HCRTR2: variants seen among roughly 807,000 people sequenced by gnomAD.
The protein encoded by HCRTR2 is orexin receptor type 2.
HCRTR2 carries 22 observed loss-of-function variants against 49.0 expected under a neutral mutation model. That is an observed-to-expected ratio of 0.45 (90% CI 0.32 to 0.64). The LOEUF (loss-of-function observed/expected upper bound fraction) is 0.64. HCRTR2 is among the 30% of genes least tolerant of loss of function. The pLI, the probability that HCRTR2 is intolerant of heterozygous loss-of-function variation, is 0.04. For missense variants in HCRTR2, 491 were observed against 559.4 expected (o/e 0.88, Z 1.23); for synonymous variants, 236 against 205.3 (o/e 1.15, Z -1.28).
intron 1 of HCRTR2, among the ~76,000 whole-genome samples, chr6:55,243,726 A>G (rs1370250461): frequency 1.3e-5 from 2 of 152,128 alleles, no homozygotes; most frequent in African/African-American, 4.8e-5. Context: ...AAGTAAGGGA[A>G]AGAGAAAAAG....
intron 1 of HCRTR2, among the ~76,000 whole-genome samples, chr6:55,239,473 A>T (rs1396551843): frequency 6.6e-6 from 1 of 152,162 alleles, no homozygotes; most frequent in Non-Finnish European, 1.5e-5. Context: ...GTGGTATAGC[A>T]TTCCTCTATG....
chr6:55,266,571 A>G (rs994006997), intron 4 of HCRTR2, among the ~76,000 whole-genome samples: 1 of 152,170 alleles, frequency 6.6e-6, no homozygotes, highest in Non-Finnish European at 1.5e-5. Context: ...GGGAATGTTC[A>G]GTGTTAAGAT....
intron 1 of HCRTR2, among the ~76,000 whole-genome samples, chr6:55,202,135 T>G (rs1765522930): frequency 6.6e-6 from 1 of 152,218 alleles, no homozygotes; most frequent in Admixed American, 6.5e-5. Flanking sequence ...CTTTTCAGAT[T>G]AAATAATGTG....
At chr6:55,270,875 A>C (rs951235815) in intron 4 of HCRTR2, among the ~76,000 whole-genome samples, 2 of 152,200 alleles carry the variant, frequency 1.3e-5, no homozygotes, top group African/African-American at 4.8e-5. Flanking sequence ...ACAATTACAA[A>C]ATATCATTGA....
intron 1 of HCRTR2, among the ~76,000 whole-genome samples, chr6:55,135,928 C>A (rs914323935): frequency 6.6e-6 from 1 of 152,260 alleles, no homozygotes; most frequent in Admixed American, 6.5e-5. Context: ...CCCAGCATTT[C>A]TTATGTTGAG....
chr6:55,150,956 A>G (rs1490039443), intron 1 of HCRTR2, among the ~76,000 whole-genome samples: 4 of 152,082 alleles, frequency 2.6e-5, no homozygotes, highest in Non-Finnish European at 5.9e-5. Context: ...GTGCATATGG[A>G]AGTTATGTTT....
intron 1 of HCRTR2, among the ~76,000 whole-genome samples, chr6:55,224,898 T>A (rs1275895714): frequency 1.3e-5 from 2 of 152,082 alleles, no homozygotes; most frequent in African/African-American, 4.8e-5. Flanking sequence ...GAATAAAAAA[T>A]TTCAGTTAAA....
At chr6:55,107,674 A>G (rs1763994239) in intron 1 of HCRTR2, among the ~76,000 whole-genome samples, 1 of 152,164 alleles carries the variant, frequency 6.6e-6, no homozygotes, top group African/African-American at 2.4e-5. Context: ...GACTTGCTTC[A>G]GTTTCCTTTC....
chr6:55,109,096 C>T (rs1280623528), intron 1 of HCRTR2, among the ~76,000 whole-genome samples: 2 of 152,118 alleles, frequency 1.3e-5, no homozygotes, highest in African/African-American at 4.8e-5. Context: ...CTTCCCAGTA[C>T]CAGCCCAGAG....
intron 1 of HCRTR2, among the ~76,000 whole-genome samples, chr6:55,111,475 C>T (rs1006579390): frequency 2.0e-5 from 3 of 151,964 alleles, no homozygotes; most frequent in African/African-American, 7.2e-5. Flanking sequence ...GATATTAAAA[C>T]TGATACCACA....
chr6:55,197,031 C>G (rs1214704898), intron 1 of HCRTR2, among the ~76,000 whole-genome samples: 1 of 152,138 alleles, frequency 6.6e-6, no homozygotes, highest in South Asian at 2.1e-4. Context: ...AACCCTACCT[C>G]TGTACTTCAA....
chr6:55,165,494 T>C (rs555113346), intron 1 of HCRTR2, among the ~76,000 whole-genome samples: 8 of 152,044 alleles, frequency 5.3e-5, no homozygotes, highest in African/African-American at 1.9e-4. Context: ...AAGACCTAAG[T>C]ATAAGAGCTA....
intron 1 of HCRTR2, among the ~76,000 whole-genome samples, chr6:55,154,686 A>G (rs1764706931): frequency 7.1e-6 from 1 of 141,146 alleles, no homozygotes; most frequent in Non-Finnish European, 1.6e-5. Flanking sequence ...AAAAATAAAT[A>G]AATAAATAAA....
intron 1 of HCRTR2, among the ~76,000 whole-genome samples, chr6:55,186,274 T>C (rs1356085878): frequency 6.6e-6 from 1 of 152,210 alleles, no homozygotes; most frequent in Non-Finnish European, 1.5e-5. Context: ...ATAAGTACAT[T>C]TTTTAAATTA....
intron 1 of HCRTR2, among the ~76,000 whole-genome samples, chr6:55,216,857 T>C (rs1765796097): frequency 2.0e-5 from 3 of 152,216 alleles, no homozygotes; most frequent in East Asian, 1.9e-4. Flanking sequence ...CTCTCAGCCA[T>C]GGCTCTGTCC....
At chr6:55,271,542 T>A (rs185760025) in intron 4 of HCRTR2, among the ~76,000 whole-genome samples, 2 of 152,212 alleles carry the variant, frequency 1.3e-5, no homozygotes, top group Non-Finnish European at 2.9e-5. Flanking sequence ...TTAGACATTA[T>A]CAAAACAAAA....
chr6:55,167,020 T>G (rs1222171023), intron 1 of HCRTR2, among the ~76,000 whole-genome samples: 1 of 152,108 alleles, frequency 6.6e-6, no homozygotes. Flanking sequence ...TTTGCCAGCA[T>G]GTGGGAGGAG....
intron 1 of HCRTR2, among the ~76,000 whole-genome samples, chr6:55,125,303 G>A (rs1764258015): frequency 6.6e-6 from 1 of 152,146 alleles, no homozygotes; most frequent in South Asian, 2.1e-4. Context: ...TGTAAGGCAG[G>A]TCTGGTGGTG....
intron 1 of HCRTR2, among the ~76,000 whole-genome samples, chr6:55,159,882 G>T (rs1474719120): frequency 6.6e-6 from 1 of 152,168 alleles, no homozygotes; most frequent in South Asian, 2.1e-4. Context: ...TGAAAGTGAC[G>T]GGGAGAAAGG....
Sources: gnomAD v4.1 joint callset for allele counts (sites outside exome capture counted in the v4.1 genomes callset) on GRCh38, gnomAD v4.1.1 for gene constraint, MANE v1.5 for transcripts, NCBI Gene and HGNC (gene_info 2026-07-23, HGNC 2026-07-21) for gene names.